Variants in SLC12A4 observed in about 807,000 individuals in gnomAD.
SLC12A4 encodes the protein electroneutral potassium-chloride cotransporter 1.
A neutral mutation model predicts 119.2 loss-of-function variants in SLC12A4; 84 were observed. The ratio of observed to expected loss-of-function variants is 0.70; its 90% CI spans 0.59 to 0.85. The LOEUF (loss-of-function observed/expected upper bound fraction) is 0.85, where lower values mean the gene tolerates loss of function less well. SLC12A4 is among the 40% of genes least tolerant of loss of function. The pLI, the probability that SLC12A4 is intolerant of heterozygous loss-of-function variation, is 0.00. For missense variants in SLC12A4, 1,298 were observed against 1,476.3 expected, an observed-to-expected ratio of 0.88 and a Z score of 1.98; for synonymous variants, 599 against 604.6, an observed-to-expected ratio of 0.99 and a Z score of 0.14.
Position 67,948,158 on chromosome 16 carries a change from A to T in SLC12A4, c.1750T>A (p.Phe584Ile). The T allele has an allele frequency of 1.2e-6, 2 of 1,613,114 alleles. No homozygotes were observed. Among genetic ancestry groups the T allele is most frequent in the Non-Finnish European group, 1.7e-6 (2 of 1,179,942 alleles). The change falls in exon 14 of 24, where the codon TTC becomes ATC. Residue 584 changes from phenylalanine to isoleucine, a missense_variant and splice_region_variant. Transcript: ENST00000316341. ...LDMVAPILSM[F>I]FLMCYLFVNL... is the part of the protein sequence containing the mutation. ...ACGAACAGGTAGCACATCAGAAAGA[A>T]CCTGCGGCACAGAGGGCGGTTGGCG...
intron 1 of SLC12A4, among the ~76,000 whole-genome samples, chr16:67,967,891 T>C (rs2151343413): frequency 8.3e-6 from 1 of 121,200 alleles, no homozygotes; most frequent in Middle Eastern, 4.7e-3. Context: ...AGGCCCACTG[T>C]CCCTACAGAT....
chr16:67,951,060 C>T lies in SLC12A4; in HGVS notation c.1298G>A (p.Gly433Asp). ...LVGIFFPSVT[G>D]IMAGSNRSGD... ...AGAGCGGTTTGAGCCAGCCATGATG[C>T]CTCCAAAAACAGATGAGACTCCCTC... Residue 433 changes from glycine (G) to aspartate (D), a missense_variant and splice_region_variant, in exon 10 of 24, where the codon GGC (glycine) becomes GAC (aspartate). Gly to Asp is a moderately conservative substitution (Grantham distance 94). Transcript: ENST00000316341. This position sits in a 1 kb window ranked among gnomAD's most constrained non-coding sequence, Gnocchi z 5.2. 6.2e-7 allele frequency: 1 copy of T among 1,613,978 alleles called. No homozygotes were observed. Among genetic ancestry groups the T allele is most frequent in the South Asian group, 1.1e-5 (1 of 91,078 alleles).
Position 67,951,062 on chromosome 16 carries a change from T to A in SLC12A4, c.1298-2A>T. 2 of 1,613,776 alleles carry A rather than the reference T, an allele frequency of 1.2e-6. No homozygotes were observed. Among genetic ancestry groups the A allele is most frequent in the Non-Finnish European group, 1.7e-6 (2 of 1,179,942 alleles). ...AGCGGTTTGAGCCAGCCATGATGCC[T>A]CCAAAAACAGATGAGACTCCCTCAG... On this transcript the variant is annotated splice_acceptor_variant, in intron 9 of 23. Coordinates refer to ENST00000316341, the MANE Select transcript of SLC12A4 (RefSeq NM_005072.5). LOFTEE classifies it high-confidence loss of function. The surrounding 1 kb of genome is among the most constrained non-coding windows in gnomAD (Gnocchi z 5.2).
Position 67,946,484 on chromosome 16 carries a change from G to C in SLC12A4, c.2391C>G (p.Tyr797Ter). 1.2e-6 allele frequency: 2 copies of C among 1,608,202 alleles called. No individual in the cohort carries two copies. Among genetic ancestry groups the C allele is most frequent in the Non-Finnish European group, 8.5e-7 (1 of 1,179,982 alleles). The part of the protein sequence containing the change: ...RHNSVVLGWP[Y>*]GWRQSEDPRA... ...GGGGGTCCTCGCTCTGTCGCCAGCC[G>C]TAGGGCCAGCCCAGCACCACGGAGT... is the stretch of plus-strand genomic sequence containing the variant. Residue 797 changes from tyrosine to a stop codon, truncating the protein, a stop_gained, in exon 18 of 24, where the codon TAC (tyrosine) becomes TAG (stop). Coordinates refer to ENST00000316341, the MANE Select transcript of SLC12A4 (RefSeq NM_005072.5). LOFTEE classifies it high-confidence loss of function.
chr16:67,948,173 G>T lies in SLC12A4; in HGVS notation c.1749-14C>A. The T allele has an allele frequency of 6.2e-7, 1 of 1,612,790 alleles. No individual in the cohort carries two copies. Among genetic ancestry groups the T allele is most frequent in the East Asian group, 2.2e-5 (1 of 44,872 alleles). ...ATCAGAAAGAACCTGCGGCACAGAG[G>T]GCGGTTGGCGAAGAGCAGCCTCCTC... On this transcript the variant is annotated splice_polypyrimidine_tract_variant and intron_variant, in intron 13 of 23. Transcript: ENST00000316341.
chr16:67,957,533 AT>A lies in SLC12A4; in HGVS notation c.544+208del, dbSNP rs776531336. 3.0e-4 allele frequency: 177 copies of A among 584,456 alleles called. 1 individual carries two copies. Among genetic ancestry groups the A allele is most frequent in the Non-Finnish European group, 4.8e-4 (158 of 330,922 alleles). 36.2% of individuals were successfully genotyped at this position (584,456 alleles called of 1,614,324 possible). On this transcript the variant is annotated intron_variant, in intron 5 of 23. Transcript: ENST00000316341. ...TTGCCCTTTTTTTTTCTTTTTTGGTATTGCTTTTATATTAACAAAAACCACA... is the reference window on the plus strand; with the variant it reads ...TTGCCCTTTTTTTTTCTTTTTTGGTATGCTTTTATATTAACAAAAACCACA...
Position 67,968,496 on chromosome 16 carries a change from G to A in SLC12A4, c.58C>T (p.Leu20Phe). ...TAGTCCACCCAACTGAGCCCCTCGA[G>A]GTTGTCATAGTCGCCGCGCCTCGGC... ...DGPRRGDYDN[L>F]EGLSWVDYGE... Residue 20 changes from leucine to phenylalanine, a missense_variant, in exon 1 of 24, where the codon CTC (leucine) becomes TTC (phenylalanine). Coordinates refer to ENST00000316341, the MANE Select transcript of SLC12A4 (RefSeq NM_005072.5). The A allele has an allele frequency of 6.3e-7, 1 of 1,587,126 alleles. No individual in the cohort carries two copies. Among genetic ancestry groups the A allele is most frequent in the Non-Finnish European group, 8.5e-7 (1 of 1,170,830 alleles).
chr16:67,944,482 C>T lies in SLC12A4; in HGVS notation c.*358G>A, dbSNP rs1372411114. The stretch of plus-strand genomic sequence containing the variant: ...CTCCCTCCCTGGCTACCCTTCCCTT[C>T]GTCTCTGATGGTGACATCCAAACAA... On this transcript the variant is annotated 3_prime_UTR_variant, in exon 24 of 24. Transcript: ENST00000316341. This position sits in a 1 kb window ranked among gnomAD's most constrained non-coding sequence, Gnocchi z 6.6. 12 of 1,245,924 alleles carry T rather than the reference C, an allele frequency of 9.6e-6. No homozygotes were observed. The highest frequency in any genetic ancestry group is 8.1e-5 in the South Asian group (3 of 37,068). The allele number at this position is 1,245,924 out of a possible 1,614,324, so 77.2% of individuals were successfully genotyped here. A position where few individuals can be genotyped will look rare whatever the true frequency, so the allele number is the denominator to read the frequency against.
Position 67,945,448 on chromosome 16 carries a change from T to C in SLC12A4, c.2953A>G (p.Thr985Ala). ...GTCTCAGTCATGTACTTGTCCCTGG[T>C]CCACGTCATCTGGATCTTGTCAGCC... ...VGADKIQMTWTRDKYMTETWD... is the reference protein window; with the variant it reads ...VGADKIQMTWARDKYMTETWD... The change falls in exon 22 of 24, where the codon ACC becomes GCC. Residue 985 changes from threonine (T) to alanine (A), a missense_variant. Physicochemically the swap from Thr to Ala is moderately conservative, Grantham distance 58 (BLOSUM62 0). Coordinates refer to ENST00000316341, the MANE Select transcript of SLC12A4 (RefSeq NM_005072.5). 6.2e-7 allele frequency: 1 copy of C among 1,614,108 alleles called. No individual in the cohort carries two copies. Among genetic ancestry groups the C allele is most frequent in the Non-Finnish European group, 8.5e-7 (1 of 1,180,010 alleles).
Position 67,947,800 on chromosome 16 carries a change from G to A in SLC12A4, c.1848-12C>T. 1.3e-6 allele frequency: 2 copies of A among 1,578,696 alleles called. No homozygotes were observed. The highest frequency in any genetic ancestry group is 8.6e-7 in the Non-Finnish European group (1 of 1,162,632). On this transcript the variant is annotated splice_polypyrimidine_tract_variant and intron_variant, in intron 14 of 23. Transcript: ENST00000316341. ...GGAAGGACAGCGCCCTGGACGAGAG[G>A]GGAGGGCAGAGTCAGGGCAGGACCA...
chr16:67,948,000 C>A (rs976016337), intron 14 of SLC12A4, 61 bp downstream of exon 14: 16 of 1,571,556 alleles, frequency 1.0e-5, no homozygotes, highest in Admixed American at 1.7e-5. Context: ...GAAACCCAAG[C>A]CTCACCCAGA....
chr16:67,963,264 G>C, intron 2 of SLC12A4: 1 of 367,812 alleles, frequency 2.7e-6, no homozygotes, highest in Non-Finnish European at 4.9e-6. Flanking sequence ...GTAGCAATGG[G>C]GGTGGGATTG....
At position 67,950,091 on chromosome 16, in the gene SLC12A4, C is replaced by T; in HGVS notation, c.1630-173G>A. 1.4e-6 allele frequency: 1 copy of T among 690,064 alleles called. No individual in the cohort carries two copies. Among genetic ancestry groups the T allele is most frequent in the Non-Finnish European group, 2.4e-6 (1 of 408,692 alleles). The allele number at this position is 690,064 out of a possible 1,614,324, so 42.7% of individuals were successfully genotyped here. On this transcript the variant is annotated intron_variant, in intron 12 of 23. Transcript: ENST00000316341. This position sits in a 1 kb window ranked among gnomAD's most constrained non-coding sequence, Gnocchi z 4.3. ...CCTGATTCCACCTCACCAGGCCTCT[C>T]TCCTTTGGATGAGCCCTAAACAGGC...
intron 2 of SLC12A4, chr16:67,962,289 C>G (rs371151364): frequency 6.6e-6 from 1 of 152,408 alleles, no homozygotes. Context: ...CATCCTCAGG[C>G]GGGGCTGGGC....
intron 3 of SLC12A4, among the ~76,000 whole-genome samples, chr16:67,960,476 C>T (rs369396036): frequency 3.3e-5 from 5 of 152,052 alleles, no homozygotes; most frequent in South Asian, 2.1e-4. Context: ...GTGAGAGACG[C>T]GCTTCAGTGG....
Position 67,951,457 on chromosome 16 carries a change from G to T in SLC12A4, c.1133-153C>A. On this transcript the variant is annotated intron_variant, in intron 8 of 23. Transcript: ENST00000316341. This position sits in a 1 kb window ranked among gnomAD's most constrained non-coding sequence, Gnocchi z 5.2. ...GCAGCGTCAGCCACAGGGCTACCCT[G>T]ACCACAGAGAAGGAGCTGCCCAGCT... 1.2e-6 allele frequency: 1 copy of T among 827,470 alleles called. No homozygotes were observed. Among genetic ancestry groups the T allele is most frequent in the Non-Finnish European group, 1.8e-6 (1 of 543,044 alleles). The allele number at this position is 827,470 out of a possible 1,614,324, so 51.3% of individuals were successfully genotyped here.
At chr16:67,963,821 A>G in intron 1 of SLC12A4, 1 of 1,421,972 alleles carries the variant, frequency 7.0e-7, no homozygotes. Flanking sequence ...CCCTAGCACA[A>G]GCACGTATGG....
In SLC12A4 at chr16:67,951,882, A is replaced by G; in HGVS notation, c.1073T>C (p.Met358Thr). 1 of 1,613,888 alleles carries G rather than the reference A, an allele frequency of 6.2e-7. No individual in the cohort carries two copies. The highest frequency in any genetic ancestry group is 8.5e-7 in the Non-Finnish European group (1 of 1,180,020). The part of the protein sequence containing the change: ...LTTDSCDPYF[M>T]LNNVTEIPGI... ...AGGGATCTCGGTCACATTGTTGAGC[A>G]TGAAGTAGGGGTCACAGGAGTCGGT... Residue 358 changes from methionine (M) to threonine (T), a missense_variant, in exon 8 of 24, where the codon ATG (methionine) becomes ACG (threonine). Physicochemically the swap from Met to Thr is moderately conservative, Grantham distance 81. Coordinates refer to ENST00000316341, the MANE Select transcript of SLC12A4 (RefSeq NM_005072.5). The surrounding 1 kb of genome is among the most constrained non-coding windows in gnomAD (Gnocchi z 5.2).
In SLC12A4 at chr16:67,946,476, C is replaced by T. The variant is rs762547931; in HGVS notation, c.2399G>A (p.Arg800Gln). The change falls in exon 18 of 24, where the codon CGA (arginine) becomes CAA (glutamine). Residue 800 changes from arginine to glutamine, a missense_variant. Physicochemically the swap from Arg to Gln is conservative, Grantham distance 43 (BLOSUM62 1). Transcript: ENST00000316341. ...CCAGGCACGGGGGTCCTCGCTCTGT[C>T]GCCAGCCGTAGGGCCAGCCCAGCAC... The part of the protein sequence containing the change: ...SVVLGWPYGW[R>Q]QSEDPRAWKT... The T allele has an allele frequency of 1.9e-5, 30 of 1,607,400 alleles. No homozygotes were observed. Among genetic ancestry groups the T allele is most frequent in the Non-Finnish European group, 2.5e-5 (29 of 1,179,968 alleles).
Sources: allele counts gnomAD v4.1 joint callset (sites outside exome capture counted in the v4.1 genomes callset), GRCh38; gene constraint gnomAD v4.1.1; non-coding constraint Gnocchi (gnomAD v3.1); transcripts MANE v1.5; gene names NCBI Gene and HGNC (gene_info 2026-07-23, HGNC 2026-07-21).